PTPRQ: variants seen among roughly 807,000 people sequenced by gnomAD.
PTPRQ encodes the protein phosphatidylinositol phosphatase PTPRQ.
PTPRQ carries 199 observed loss-of-function variants against 246.0 expected under a neutral mutation model. The observed-to-expected ratio is 0.81, with a 90% CI of 0.72 to 0.91. The LOEUF (loss-of-function observed/expected upper bound fraction) is 0.91, where lower values mean the gene tolerates loss of function less well. PTPRQ is among the 40% of genes least tolerant of loss of function. The pLI is 0.00. For synonymous variants in PTPRQ, 869 were observed against 853.2 expected, an observed-to-expected ratio of 1.02 and a Z score of -0.32; for missense variants, 2,624 against 2,528.4, an observed-to-expected ratio of 1.04 and a Z score of -0.81.
At chr12:80,453,356 T>C (rs1381781422) in intron 3 of PTPRQ, among the ~76,000 whole-genome samples, 1 of 152,238 alleles carries the variant, frequency 6.6e-6, no homozygotes, top group Non-Finnish European at 1.5e-5. Flanking sequence ...GAAGCCTTCT[T>C]CTCTCAACTC....
intron 26 of PTPRQ, among the ~76,000 whole-genome samples, chr12:80,596,685 C>G (rs1406845934): frequency 6.6e-6 from 1 of 151,992 alleles, no homozygotes; most frequent in Non-Finnish European, 1.5e-5. Flanking sequence ...AACCTCAGTT[C>G]TAAGTTCTAG....
chr12:80,673,993 G>A (rs1264432916), intron 43 of PTPRQ, among the ~76,000 whole-genome samples: 1 of 151,736 alleles, frequency 6.6e-6, no homozygotes, highest in Non-Finnish European at 1.5e-5. Flanking sequence ...TTATTTGTAA[G>A]GCAGGGCCAG....
At chr12:80,525,696 C>T (rs563822253) in intron 17 of PTPRQ, among the ~76,000 whole-genome samples, 27 of 151,648 alleles carry the variant, frequency 1.8e-4, no homozygotes, top group Admixed American at 9.9e-4. Context: ...CTGTCACTCT[C>T]GGGTTTCTTA....
chr12:80,552,078 G>A (rs545165094), intron 25 of PTPRQ, among the ~76,000 whole-genome samples: 1 of 152,186 alleles, frequency 6.6e-6, no homozygotes, highest in South Asian at 2.1e-4. Flanking sequence ...GCCTCAATGA[G>A]TGAAGCTTAA....
chr12:80,459,683 A>G (rs1485204955), intron 5 of PTPRQ, among the ~76,000 whole-genome samples, 200 bp downstream of exon 5: 1 of 152,216 alleles, frequency 6.6e-6, no homozygotes, highest in East Asian at 1.9e-4. Flanking sequence ...CAGGTAGAAT[A>G]CAGGAATGGT....
intron 39 of PTPRQ, among the ~76,000 whole-genome samples, chr12:80,667,650 A>T (rs921062843): frequency 3.3e-5 from 5 of 152,074 alleles, no homozygotes; most frequent in African/African-American, 1.2e-4. Flanking sequence ...ACAAATATTG[A>T]TTCAGTGGAG....
rs1489281823 is a variant in PTPRQ at position 80,468,699 on chromosome 12, A to T, written c.911-11A>T. On this transcript the variant is annotated splice_polypyrimidine_tract_variant and intron_variant, in intron 6 of 44. Transcript: ENST00000644991. The stretch of plus-strand genomic sequence containing the variant: ...TATATGTTATGTATTTATTTTCTAT[A>T]ATTATTTTAGTGCCTGAAGGACCAC... The T allele has an allele frequency of 1.1e-5, 17 of 1,523,554 alleles. No individual in the cohort carries two copies. The highest frequency in any genetic ancestry group is 1.4e-5 in the Non-Finnish European group (16 of 1,136,498). 94.4% of individuals were successfully genotyped at this position (1,523,554 alleles called of 1,614,324 possible).
chr12:80,464,979 G>C (rs1239417383), intron 6 of PTPRQ, among the ~76,000 whole-genome samples: 1 of 64,048 alleles, frequency 1.6e-5, no homozygotes, highest in African/African-American at 6.4e-5. Flanking sequence ...TCATAAGCTA[G>C]CAGAAGGCAA....
intron 35 of PTPRQ, among the ~76,000 whole-genome samples, chr12:80,648,488 A>G (rs1245076145): frequency 1.3e-5 from 2 of 152,128 alleles, no homozygotes; most frequent in African/African-American, 4.8e-5. Flanking sequence ...GTCATGTTTC[A>G]TGGATTCATT....
chr12:80,534,386 A>G (rs1485857903), intron 18 of PTPRQ, among the ~76,000 whole-genome samples: 2 of 152,040 alleles, frequency 1.3e-5, no homozygotes, highest in Non-Finnish European at 2.9e-5. Context: ...TAATGTGGAA[A>G]CAGTATCATT....
chr12:80,639,159 C>A (rs1163037), intron 35 of PTPRQ, among the ~76,000 whole-genome samples: 15,828 of 152,164 alleles, frequency 0.1, 1,235 homozygotes, highest in African/African-American at 0.21. Flanking sequence ...TTTAACTGTA[C>A]AACGATTACC....
At position 80,610,421 on chromosome 12, in the gene PTPRQ, A is replaced by G. The variant is rs1017537869; in HGVS notation, c.4732-18A>G. The G allele has an allele frequency of 1.1e-5, 16 of 1,451,084 alleles. No homozygotes were observed. The African/African-American group carries it at 1.8e-4, about 16-fold the overall frequency. The allele number at this position is 1,451,084 out of a possible 1,614,324, so 89.9% of individuals were successfully genotyped here. A position where few individuals can be genotyped will look rare whatever the true frequency, so the allele number is the denominator to read the frequency against. Reference sequence around the variant, plus strand: ...TTCAAGTGCTGCTTCCTTAATTTTTACTTATATTTTCCTATAGGTAGATAA... The same window carrying G: ...TTCAAGTGCTGCTTCCTTAATTTTTGCTTATATTTTCCTATAGGTAGATAA... On this transcript the variant is annotated intron_variant, in intron 27 of 44. Transcript: ENST00000644991.
chr12:80,599,272 T>G (rs1363195517), intron 26 of PTPRQ, among the ~76,000 whole-genome samples: 1 of 151,782 alleles, frequency 6.6e-6, no homozygotes, highest in Non-Finnish European at 1.5e-5. Flanking sequence ...TGAGAGGAAG[T>G]GATTGGATTA....
At position 80,620,430 on chromosome 12, in the gene PTPRQ, T is replaced by G. The variant is rs1261572579; in HGVS notation, c.5612+54T>G. The G allele has an allele frequency of 5.8e-6, 9 of 1,539,416 alleles. No individual in the cohort carries two copies. The African/African-American group carries it at 6.9e-5, about 12-fold the overall frequency. ...TCTGTTAGCAAGCTAGTTAGTATCT[T>G]TCATCCATCCATCTGCCTGTCCTTT... On this transcript the variant is annotated intron_variant, in intron 32 of 44. Coordinates refer to ENST00000644991, the MANE Select transcript of PTPRQ (RefSeq NM_001145026.2).
chr12:80,564,301 C>T (rs889248243), intron 25 of PTPRQ, among the ~76,000 whole-genome samples: 2 of 152,042 alleles, frequency 1.3e-5, no homozygotes, highest in Non-Finnish European at 2.9e-5. Flanking sequence ...AAAAAGAAAA[C>T]CCAAGGAATT....
rs1895490985 is a variant in PTPRQ at position 80,521,621 on chromosome 12, T to A, written c.2678+11178T>A. On this transcript the variant is annotated intron_variant, in intron 17 of 44. Coordinates refer to ENST00000644991, the MANE Select transcript of PTPRQ (RefSeq NM_001145026.2). ...CCAGCACCATTTATTAAATAGGGAA[T>A]CCTTTCCCCATTGCTTTTTTTTGTC... Among the ~76,000 whole-genome samples, 4 of 152,192 alleles carry A rather than the reference T, an allele frequency of 2.6e-5. No individual in the cohort carries two copies. In the South Asian group the frequency reaches 8.3e-4, roughly 31 times the overall value.
intron 25 of PTPRQ, among the ~76,000 whole-genome samples, chr12:80,564,416 T>C (rs917948978): frequency 1.3e-5 from 2 of 152,186 alleles, no homozygotes; most frequent in African/African-American, 4.8e-5. Context: ...GATTTTTAAG[T>C]ACATAGTGGG....
At chr12:80,484,165 C>A (rs1211390815) in intron 8 of PTPRQ, among the ~76,000 whole-genome samples, 1 of 151,868 alleles carries the variant, frequency 6.6e-6, no homozygotes, top group Admixed American at 6.6e-5. Context: ...ACCACCATGC[C>A]TGGCTTATTT....
At chr12:80,467,692 T>G (rs1211009742) in intron 6 of PTPRQ, among the ~76,000 whole-genome samples, 1 of 151,724 alleles carries the variant, frequency 6.6e-6, no homozygotes, top group African/African-American at 2.4e-5. Context: ...AAATGATGAG[T>G]TCATGTCCTT....
Sources: allele counts gnomAD v4.1 joint callset (sites outside exome capture counted in the v4.1 genomes callset), GRCh38; gene constraint gnomAD v4.1.1; transcripts MANE v1.5; gene names NCBI Gene and HGNC (gene_info 2026-07-23, HGNC 2026-07-21).